SLC6A5: variants seen among roughly 807,000 people sequenced by gnomAD.
The protein encoded by SLC6A5 is sodium- and chloride-dependent glycine transporter 2.
In SLC6A5, 58 loss-of-function variants were observed where a neutral mutation model predicts 90.5. The ratio of observed to expected loss-of-function variants is 0.64; its 90% confidence interval spans 0.52 to 0.80. The LOEUF (loss-of-function observed/expected upper bound fraction) is 0.80, where lower values mean the gene tolerates loss of function less well. SLC6A5 is among the 30% of genes least tolerant of loss of function. The pLI is 0.00. For synonymous variants in SLC6A5, 427 were observed against 401.4 expected (o/e 1.06, Z -0.76); for missense variants, 1,015 against 1,017.6 (o/e 1.00, Z 0.03).
At chr11:20,607,869 AGCT>A (rs1464972178) in intron 5 of SLC6A5, among the ~76,000 whole-genome samples, 3 of 152,240 alleles carry the variant, frequency 2.0e-5, no homozygotes, top group African/African-American at 7.2e-5. Flanking sequence ...GCTTATGAAT[AGCT>A]GAAATCTTTG....
rs1357023716 is a variant in SLC6A5 at position 20,607,038 on chromosome 11, G to A, written c.711G>A (p.Leu237=). Residue 237 remains leucine, a synonymous_variant, in exon 4 of 16, where the codon CTG becomes CTA. Coordinates refer to ENST00000525748, the MANE Select transcript of SLC6A5 (RefSeq NM_004211.5). ...GAFLIPYLMM[L]ALAGLPIFFL... ...TCCTCATCCCTTACCTGATGATGCTGGCTCTGGCTGGATTACCCATCTTCT... is the reference window on the plus strand; with the variant it reads ...TCCTCATCCCTTACCTGATGATGCTAGCTCTGGCTGGATTACCCATCTTCT... 6.2e-7 allele frequency: 1 copy of A among 1,614,046 alleles called. No homozygotes were observed. Among genetic ancestry groups the A allele is most frequent in the Non-Finnish European group, 8.5e-7 (1 of 1,180,020 alleles).
In SLC6A5 at chr11:20,616,276, T is replaced by C. The variant is rs75279056; in HGVS notation, c.1127+1456T>C. 0.026 allele frequency among the ~76,000 whole-genome samples: 3,910 copies of C among 152,232 alleles called. 395 individuals are homozygous for C. In the East Asian group the frequency reaches 0.34, roughly 13 times the overall value. On this transcript the variant is annotated intron_variant, in intron 6 of 15. Transcript: ENST00000525748. ...ACTACCATGGGGGTATTAGGGTGGG[T>C]CTTTAATTCTCCCTGAGCACTGAGC...
chr11:20,639,473 T>G (rs1026364668), intron 13 of SLC6A5, among the ~76,000 whole-genome samples: 1 of 152,164 alleles, frequency 6.6e-6, no homozygotes, highest in Non-Finnish European at 1.5e-5. Context: ...TTATTTGGAA[T>G]GCAGGATATG....
rs201319465 is a variant in SLC6A5 at position 20,601,481 on chromosome 11, A to G, written c.356A>G (p.His119Arg). The change falls in exon 2 of 16, where the codon CAC (histidine) becomes CGC (arginine). Residue 119 changes from histidine to arginine, a missense_variant. Physicochemically the swap from His to Arg is conservative, Grantham distance 29 (BLOSUM62 0). Coordinates refer to ENST00000525748, the MANE Select transcript of SLC6A5 (RefSeq NM_004211.5). ...PGSSGPGNAL[H>R]CKIPFLRGPE... ...AGCTCCGGGCCCGGCAACGCGCTGC[A>G]CTGTAAGATCCCTTTTCTGCGAGGC... 1.0e-4 allele frequency: 161 copies of G among 1,613,234 alleles called. No homozygotes were observed. Among genetic ancestry groups the G allele is most frequent in the Non-Finnish European group, 1.2e-4 (136 of 1,179,688 alleles).
At chr11:20,636,753 G>A (rs1005962533) in intron 11 of SLC6A5, among the ~76,000 whole-genome samples, 4 of 152,146 alleles carry the variant, frequency 2.6e-5, no homozygotes, top group Non-Finnish European at 5.9e-5. Context: ...TCAATTTTAG[G>A]GAAATTGCTG....
At chr11:20,615,776 C>T (rs542421361) in intron 6 of SLC6A5, among the ~76,000 whole-genome samples, 1 of 148,196 alleles carries the variant, frequency 6.7e-6, no homozygotes, top group Non-Finnish European at 1.5e-5. Context: ...CAAATGTACT[C>T]GGGCATGGCA....
chr11:20,611,357 A>C (rs1852689530), intron 5 of SLC6A5, among the ~76,000 whole-genome samples: 3 of 152,236 alleles, frequency 2.0e-5, no homozygotes. Flanking sequence ...TTGGAGGCTG[A>C]GACATGAGAA....
chr11:20,617,432 C>T (rs913672736), intron 6 of SLC6A5, among the ~76,000 whole-genome samples: 5 of 152,234 alleles, frequency 3.3e-5, no homozygotes, highest in African/African-American at 9.6e-5. Context: ...TTCTGTTGCA[C>T]TTCTCCTGGG....
chr11:20,622,022 G>C (rs1026460732), intron 7 of SLC6A5, among the ~76,000 whole-genome samples: 2 of 151,668 alleles, frequency 1.3e-5, no homozygotes, highest in African/African-American at 2.4e-5. Flanking sequence ...ACCTGTTCAG[G>C]GGTCCCATGG....
intron 9 of SLC6A5, among the ~76,000 whole-genome samples, chr11:20,629,626 T>G (rs1026600994): frequency 2.0e-5 from 3 of 152,248 alleles, no homozygotes; most frequent in African/African-American, 7.2e-5. Flanking sequence ...CTCAAACATT[T>G]ATCATTTCTT....
rs1565271445 is a variant in SLC6A5 at position 20,604,441 on chromosome 11, C to G, written c.679+17C>G. ...ACGGGGGAGGTATGGCTTTTCCGCT[C>G]TTTCCGCCTGCGGCGGGGCGGGGCG... On this transcript the variant is annotated intron_variant, in intron 3 of 15. Transcript: ENST00000525748. 1 of 1,612,274 alleles carries G rather than the reference C, an allele frequency of 6.2e-7. No homozygotes were observed. Among genetic ancestry groups the G allele is most frequent in the East Asian group, 2.2e-5 (1 of 44,842 alleles).
In SLC6A5 at chr11:20,607,000, T is replaced by C. The variant is rs1332513966; in HGVS notation, c.680-7T>C. 1.9e-6 allele frequency: 3 copies of C among 1,613,942 alleles called. No individual in the cohort carries two copies. The highest frequency in any genetic ancestry group is 2.5e-6 in the Non-Finnish European group (3 of 1,180,016). On this transcript the variant is annotated splice_region_variant and splice_polypyrimidine_tract_variant and intron_variant, in intron 3 of 15. Coordinates refer to ENST00000525748, the MANE Select transcript of SLC6A5 (RefSeq NM_004211.5). ...CTAGGGCTCTCACTCCCCACTCTCT[T>C]TCCAAGGTGCTTTCCTCATCCCTTA...
intron 10 of SLC6A5, among the ~76,000 whole-genome samples, chr11:20,631,643 TTAC>T (rs1853111329): frequency 6.7e-6 from 1 of 149,090 alleles, no homozygotes; most frequent in Non-Finnish European, 1.5e-5. Flanking sequence ...TGTCTGTTGT[TTAC>T]CATTATGATC....
intron 10 of SLC6A5, among the ~76,000 whole-genome samples, chr11:20,634,484 C>A (rs868007635): frequency 6.6e-6 from 1 of 152,194 alleles, no homozygotes; most frequent in South Asian, 2.1e-4. Flanking sequence ...AGGGTAGAAT[C>A]CTGTTAAAGT....
intron 6 of SLC6A5, among the ~76,000 whole-genome samples, chr11:20,617,485 C>G (rs763970583): frequency 3.9e-5 from 6 of 152,196 alleles, no homozygotes; most frequent in Non-Finnish European, 5.9e-5. Flanking sequence ...GTCCTGAAGC[C>G]TGCCCAGGGC....
At chr11:20,621,537 A>G (rs567883296) in intron 7 of SLC6A5, among the ~76,000 whole-genome samples, 15 of 152,370 alleles carry the variant, frequency 9.8e-5, no homozygotes, top group Non-Finnish European at 2.2e-4. Flanking sequence ...GTTTCCAACC[A>G]GAGATCAATG....
At chr11:20,624,070 A>G (rs1018692465) in intron 7 of SLC6A5, among the ~76,000 whole-genome samples, 2 of 145,804 alleles carry the variant, frequency 1.4e-5, no homozygotes, top group East Asian at 2.0e-4. Context: ...GCTGGCACAT[A>G]TTAGTTGCTC....
chr11:20,645,165 G>A (rs1853388560), intron 13 of SLC6A5, among the ~76,000 whole-genome samples: 1 of 152,060 alleles, frequency 6.6e-6, no homozygotes, highest in Admixed American at 6.6e-5. Context: ...TCTGCAGAAG[G>A]AAAACTCCAG....
chr11:20,604,719 G>A (rs575395725), intron 3 of SLC6A5, among the ~76,000 whole-genome samples: 4 of 152,280 alleles, frequency 2.6e-5, no homozygotes, highest in African/African-American at 9.6e-5. Context: ...ACGTAAGCAC[G>A]GGTGCTAGCG....
Sources: allele counts gnomAD v4.1 joint callset (sites outside exome capture counted in the v4.1 genomes callset), GRCh38; gene constraint gnomAD v4.1.1; transcripts MANE v1.5; gene names NCBI Gene and HGNC (gene_info 2026-07-23, HGNC 2026-07-21).